The following CDH13 variants were observed in gnomAD, a reference collection of about 807,000 sequenced individuals.
The protein encoded by CDH13 is cadherin 13, also known as cadherin-13.
Under a neutral mutation model 63.8 loss-of-function variants are expected in CDH13, and 24 were observed. The observed-to-expected ratio is 0.38, with a 90% confidence interval of 0.27 to 0.53. The LOEUF is 0.53. Among genes scored for constraint, CDH13 ranks in the 20% least tolerant of loss-of-function variants. The pLI, the probability that CDH13 is intolerant of heterozygous loss-of-function variation, is 0.85. For missense variants in CDH13, 1,049 were observed against 903.1 expected (o/e 1.16, Z -2.07); for synonymous variants, 503 against 355.3 (o/e 1.42, Z -4.67).
chr16:83,647,559 A>C (rs1359936454), intron 8 of CDH13, among the ~76,000 whole-genome samples: 2 of 152,176 alleles, frequency 1.3e-5, no homozygotes, highest in East Asian at 3.9e-4. Context: ...GAACTGAGTT[A>C]CTTATGAGCT....
chr16:82,864,782 A>G (rs115280435), intron 2 of CDH13, among the ~76,000 whole-genome samples: 1,535 of 152,260 alleles, frequency 0.01, 29 homozygotes, highest in African/African-American at 0.035. Flanking sequence ...CATTCTCAAC[A>G]GTTCCCGAAA....
intron 7 of CDH13, among the ~76,000 whole-genome samples, chr16:83,496,122 C>T (rs997456920): frequency 3.9e-5 from 6 of 152,040 alleles, no homozygotes; most frequent in Admixed American, 1.3e-4. Context: ...CCCCATCAAG[C>T]TACCAATGAC....
intron 3 of CDH13, among the ~76,000 whole-genome samples, chr16:83,066,136 G>A (rs768295917): frequency 6.6e-6 from 1 of 152,200 alleles, no homozygotes; most frequent in Non-Finnish European, 1.5e-5. Context: ...TCTAAAACTA[G>A]ATATGAAATT....
chr16:83,747,138 G>T (rs1322021627), intron 10 of CDH13, among the ~76,000 whole-genome samples: 2 of 152,200 alleles, frequency 1.3e-5, no homozygotes, highest in Non-Finnish European at 2.9e-5. Context: ...CAAGCAGCTG[G>T]TGTCACAGCA....
At chr16:83,670,999 C>A in intron 9 of CDH13, 27 bp downstream of exon 9, 1 of 1,555,110 alleles carries the variant, frequency 6.4e-7, no homozygotes, top group Non-Finnish European at 8.7e-7. Context: ...TTGCCTCTTT[C>A]TCCTCATGCG....
At chr16:83,553,484 A>G (rs1046745168) in intron 7 of CDH13, among the ~76,000 whole-genome samples, 2 of 152,228 alleles carry the variant, frequency 1.3e-5, no homozygotes, top group African/African-American at 4.8e-5. Flanking sequence ...TTGTTTAGTT[A>G]CATTCTTCCA....
At chr16:82,872,238 G>T (rs2040366662) in intron 2 of CDH13, among the ~76,000 whole-genome samples, 1 of 152,196 alleles carries the variant, frequency 6.6e-6, no homozygotes, top group Non-Finnish European at 1.5e-5. Context: ...AGGGGATAAG[G>T]ACAGCCATCA....
chr16:83,280,553 T>A (rs764531123), intron 5 of CDH13, among the ~76,000 whole-genome samples: 1 of 152,216 alleles, frequency 6.6e-6, no homozygotes, highest in Middle Eastern at 3.2e-3. Context: ...CCTGTTAATG[T>A]TGATATTTTG....
chr16:82,987,948 C>T (rs1911160454), intron 2 of CDH13, among the ~76,000 whole-genome samples: 2 of 152,156 alleles, frequency 1.3e-5, no homozygotes, highest in Admixed American at 1.3e-4. Context: ...TCTGATGAGT[C>T]AACAGTGCCT....
intron 7 of CDH13, among the ~76,000 whole-genome samples, chr16:83,520,971 A>G (rs983418468): frequency 2.0e-5 from 3 of 152,134 alleles, no homozygotes; most frequent in African/African-American, 7.2e-5. Flanking sequence ...GGTTTCAACC[A>G]TCGCCTCCCA....
intron 1 of CDH13, among the ~76,000 whole-genome samples, chr16:82,806,304 G>T (rs1489239705): frequency 6.6e-6 from 1 of 152,110 alleles, no homozygotes; most frequent in Non-Finnish European, 1.5e-5. Context: ...CCAGCCCAGG[G>T]AGTCTTTATC....
intron 1 of CDH13, among the ~76,000 whole-genome samples, chr16:82,848,583 G>T (rs13336316): frequency 0.44 from 37,120 of 83,538 alleles, 5,332 homozygotes; most frequent in Non-Finnish European, 0.5. Context: ...TTTTTTTTTT[G>T]GGTGGGGGGA....
intron 8 of CDH13, among the ~76,000 whole-genome samples, chr16:83,653,350 G>A (rs1217108492): frequency 6.6e-6 from 1 of 152,114 alleles, no homozygotes; most frequent in Non-Finnish European, 1.5e-5. Flanking sequence ...AAACTGCATA[G>A]CACCATGTCT....
At chr16:83,112,767 C>A (rs2151624079) in intron 3 of CDH13, among the ~76,000 whole-genome samples, 1 of 152,240 alleles carries the variant, frequency 6.6e-6, no homozygotes, top group East Asian at 1.9e-4. Flanking sequence ...ATATCTGTAC[C>A]TTTTTCTTTA....
At chr16:83,231,810 G>A (rs990025876) in intron 5 of CDH13, among the ~76,000 whole-genome samples, 11 of 152,238 alleles carry the variant, frequency 7.2e-5, no homozygotes, top group African/African-American at 2.6e-4. Flanking sequence ...ATATTGAAAT[G>A]CGACCCCCAG....
intron 6 of CDH13, among the ~76,000 whole-genome samples, chr16:83,407,232 C>A (rs912916482): frequency 1.3e-5 from 2 of 152,238 alleles, no homozygotes; most frequent in Admixed American, 1.3e-4. Flanking sequence ...CTGGAGGTAT[C>A]AAGGCAAAGA....
chr16:83,082,624 A>C (rs1408485780), intron 3 of CDH13, among the ~76,000 whole-genome samples: 1 of 152,170 alleles, frequency 6.6e-6, no homozygotes, highest in African/African-American at 2.4e-5. Context: ...AGCCTGGGCA[A>C]CAAGACAAGA....
At chr16:83,306,211 T>C (rs2089874348) in intron 5 of CDH13, among the ~76,000 whole-genome samples, 1 of 152,218 alleles carries the variant, frequency 6.6e-6, no homozygotes, top group Non-Finnish European at 1.5e-5. Flanking sequence ...GAAAGTATTC[T>C]ATAAACAAGG....
chr16:82,905,821 C>T (rs990659823), intron 2 of CDH13, among the ~76,000 whole-genome samples: 3 of 152,056 alleles, frequency 2.0e-5, no homozygotes, highest in Admixed American at 1.3e-4. Context: ...TGGCATGTCT[C>T]GATTAGGACG....
Sources: allele counts gnomAD v4.1 joint callset (sites outside exome capture counted in the v4.1 genomes callset), GRCh38; gene constraint gnomAD v4.1.1; transcripts MANE v1.5; gene names NCBI Gene and HGNC (gene_info 2026-07-23, HGNC 2026-07-21).